CD163L1: variants seen among roughly 807,000 people sequenced by gnomAD.
CD163L1 encodes scavenger receptor cysteine-rich type 1 protein M160.
In CD163L1, 124 loss-of-function variants were observed where a neutral mutation model predicts 165.4. The observed-to-expected ratio is 0.75, with a 90% CI of 0.65 to 0.87. The LOEUF is 0.87. Among genes scored for constraint, CD163L1 ranks in the 40% least tolerant of loss-of-function variants. The pLI is 0.00. For missense variants in CD163L1, 1,525 were observed against 1,799.9 expected (o/e 0.85, Z 2.76); for synonymous variants, 585 against 662.2 (o/e 0.88, Z 1.79).
In CD163L1 at chr12:7,375,966, C is replaced by G; in HGVS notation, c.2420G>C (p.Arg807Pro). 6.2e-7 allele frequency: 1 copy of G among 1,614,226 alleles called. No homozygotes were observed. Among genetic ancestry groups the G allele is most frequent in the Non-Finnish European group, 8.5e-7 (1 of 1,180,030 alleles). The change falls in exon 10 of 20, where the codon CGT (arginine) becomes CCT (proline). Residue 807 changes from arginine to proline, a missense_variant. Arg to Pro is a moderately radical substitution (Grantham distance 103). Transcript: ENST00000313599. Reference protein sequence around the residue: ...LVGADMPCSGRVEVKHADTWR... With the variant: ...LVGADMPCSGPVEVKHADTWR... The stretch of plus-strand genomic sequence containing the variant: ...TGTGTCTGCATGTTTCACTTCAACA[C>G]GTCCAGAGCAGGGCATATCAGCTCC...
At chr12:7,330,602 G>T in the CD163L1 span, among the ~76,000 whole-genome samples, 2 of 152,178 alleles carry the variant, frequency 1.3e-5, no homozygotes, top group African/African-American at 4.8e-5. Context: ...TTCCTTCAGA[G>T]ATAAAATTTC....
chr12:7,421,396 ATATATAT>A (rs1565809687), intron 4 of CD163L1, among the ~76,000 whole-genome samples: 2 of 79,048 alleles, frequency 2.5e-5, no homozygotes, highest in Admixed American at 1.5e-4. Flanking sequence ...ATATATATGT[ATATATAT>A]CTTCCAAATG....
chr12:7,417,899 G>C (rs1171186648), intron 4 of CD163L1, among the ~76,000 whole-genome samples: 1 of 151,240 alleles, frequency 6.6e-6, no homozygotes, highest in Non-Finnish European at 1.5e-5. Context: ...TCAAAACAGT[G>C]TAAGATAATT....
the CD163L1 span, among the ~76,000 whole-genome samples, chr12:7,321,185 A>T: frequency 1.3e-5 from 2 of 152,220 alleles, no homozygotes; most frequent in South Asian, 2.1e-4. Context: ...ACTCAAAAAA[A>T]AATTGTCCTC....
At chr12:7,338,952 A>AT in the CD163L1 span, among the ~76,000 whole-genome samples, 1 of 151,624 alleles carries the variant, frequency 6.6e-6, no homozygotes, top group Non-Finnish European at 1.5e-5. Flanking sequence ...TGCTTTTTGT[A>AT]TTTTTTCTTT....
At chr12:7,379,679 G>A (rs147612285) in intron 8 of CD163L1, among the ~76,000 whole-genome samples, 1 of 152,274 alleles carries the variant, frequency 6.6e-6, no homozygotes, top group African/African-American at 2.4e-5. Flanking sequence ...TAAAGAGAAT[G>A]TTAGGAAGAG....
chr12:7,418,274 C>A (rs1014760962), intron 4 of CD163L1, among the ~76,000 whole-genome samples: 6 of 152,022 alleles, frequency 3.9e-5, no homozygotes, highest in Non-Finnish European at 8.8e-5. Flanking sequence ...ATAATCTGCT[C>A]CTGAATGAGC....
chr12:7,426,371 A>G (rs947924108), intron 4 of CD163L1, among the ~76,000 whole-genome samples: 5 of 152,106 alleles, frequency 3.3e-5, no homozygotes, highest in African/African-American at 1.2e-4. Flanking sequence ...TGACAGGTTG[A>G]TAGGTCAGCC....
chr12:7,393,496 C>A (rs920476317), intron 8 of CD163L1, among the ~76,000 whole-genome samples: 1 of 152,150 alleles, frequency 6.6e-6, no homozygotes, highest in Non-Finnish European at 1.5e-5. Context: ...GGAAGAATTC[C>A]CTTTGAAAAC....
At chr12:7,354,080 T>C (rs1361963708), downstream of CD163L1, among the ~76,000 whole-genome samples, 1 of 152,084 alleles carries the variant, frequency 6.6e-6, no homozygotes, top group East Asian at 1.9e-4. Context: ...CTTACCAGAT[T>C]TGTGAACTAA....
intron 4 of CD163L1, among the ~76,000 whole-genome samples, chr12:7,413,130 G>T (rs1328193576): frequency 6.7e-6 from 1 of 149,420 alleles, no homozygotes; most frequent in African/African-American, 2.5e-5. Flanking sequence ...CAAGCACCTT[G>T]GTGGAGCAAA....
At chr12:7,411,722 G>A (rs990758457) in intron 4 of CD163L1, among the ~76,000 whole-genome samples, 1 of 152,114 alleles carries the variant, frequency 6.6e-6, no homozygotes, top group Non-Finnish European at 1.5e-5. Flanking sequence ...AAATTATCCA[G>A]TCTCCGGTAT....
chr12:7,324,987 T>A, the CD163L1 span, among the ~76,000 whole-genome samples: 1 of 152,214 alleles, frequency 6.6e-6, no homozygotes, highest in African/African-American at 2.4e-5. Flanking sequence ...TTCTTCCTAC[T>A]TGATAGCAAC....
At chr12:7,414,682 TG>T (rs1487900021) in intron 4 of CD163L1, among the ~76,000 whole-genome samples, 4 of 151,954 alleles carry the variant, frequency 2.6e-5, no homozygotes, top group Non-Finnish European at 4.4e-5. Context: ...CAAAAGTCAA[TG>T]ACAAAGAGAA....
At chr12:7,415,995 T>C (rs1489384233) in intron 4 of CD163L1, among the ~76,000 whole-genome samples, 1 of 152,160 alleles carries the variant, frequency 6.6e-6, no homozygotes, top group Non-Finnish European at 1.5e-5. Context: ...CTTGAGGAAA[T>C]GCTACACTGT....
At chr12:7,387,797 C>G (rs941364058) in intron 8 of CD163L1, among the ~76,000 whole-genome samples, 1 of 152,132 alleles carries the variant, frequency 6.6e-6, no homozygotes, top group Non-Finnish European at 1.5e-5. Flanking sequence ...TACTAAGACA[C>G]TACCCAGAAC....
intron 4 of CD163L1, among the ~76,000 whole-genome samples, chr12:7,413,572 G>A (rs1038996493): frequency 6.6e-6 from 1 of 152,070 alleles, no homozygotes; most frequent in Non-Finnish European, 1.5e-5. Context: ...TATGCATCTC[G>A]CCCCTGGGCA....
At chr12:7,340,419 A>G in the CD163L1 span, among the ~76,000 whole-genome samples, 2 of 152,172 alleles carry the variant, frequency 1.3e-5, no homozygotes, top group Non-Finnish European at 2.9e-5. Flanking sequence ...CTCTCCAAAC[A>G]CTGCAATTAC....
intron 4 of CD163L1, among the ~76,000 whole-genome samples, chr12:7,421,150 T>C (rs1242162660): frequency 1.5e-5 from 2 of 134,986 alleles, no homozygotes; most frequent in Non-Finnish European, 3.1e-5. Context: ...TATATATGTG[T>C]ATAAATGTAT....
Sources: gnomAD v4.1 joint callset for allele counts (sites outside exome capture counted in the v4.1 genomes callset) on GRCh38, gnomAD v4.1.1 for gene constraint, MANE v1.5 for transcripts, NCBI Gene and HGNC (gene_info 2026-07-23, HGNC 2026-07-21) for gene names.